LRRC41: variants seen among roughly 807,000 people sequenced by gnomAD.
LRRC41 encodes the protein leucine-rich repeat-containing protein 41.
LRRC41 carries 17 observed loss-of-function variants against 72.1 expected under a neutral mutation model. The observed-to-expected ratio is 0.24, with a 90% CI of 0.16 to 0.35. LRRC41 has a LOEUF of 0.35. LRRC41 is among the 10% of genes least tolerant of loss of function. The pLI is 1.00. For synonymous variants in LRRC41, 427 were observed against 431.0 expected (o/e 0.99, Z 0.11); for missense variants, 759 against 1,065.0 (o/e 0.71, Z 4.00).
At chr1:46,292,804 TAATCA>T (rs1661044978) in intron 3 of LRRC41, among the ~76,000 whole-genome samples, 1 of 152,232 alleles carries the variant, frequency 6.6e-6, no homozygotes, top group Non-Finnish European at 1.5e-5. Context: ...TTTTTTAATT[TAATCA>T]ATACAAAGTC....
chr1:46,277,814 C>T lies in LRRC41; in HGVS notation c.*1051G>A, dbSNP rs759736246. The T allele has an allele frequency of 6.2e-6, 10 of 1,604,262 alleles. No homozygotes were observed. Among genetic ancestry groups the T allele is most frequent in the Middle Eastern group, 1.7e-4 (1 of 6,012 alleles). The stretch of plus-strand genomic sequence containing the variant: ...TTGACATTCCCCACCTCCTCTTCCC[C>T]AGGCAGGGACCATTGAGGAGAAGAT... On this transcript the variant is annotated 3_prime_UTR_variant, in exon 10 of 10. Coordinates refer to ENST00000617190, the MANE Select transcript of LRRC41 (RefSeq NM_006369.5).
At position 46,286,106 on chromosome 1, in the gene LRRC41, C is replaced by T. The variant is rs1390495790; in HGVS notation, c.751G>A (p.Ala251Thr). Residue 251 changes from alanine to threonine, a missense_variant, in exon 4 of 10, where the codon GCT becomes ACT. Coordinates refer to ENST00000617190, the MANE Select transcript of LRRC41 (RefSeq NM_006369.5). This position sits in a 1 kb window ranked among gnomAD's most constrained non-coding sequence, Gnocchi z 5.5. Reference sequence around the variant, plus strand: ...CCAGGCCCTGGTTGCCAGAAGCCAGCACTCATGGTGAGAATAAGGATGAAA... The same window carrying T: ...CCAGGCCCTGGTTGCCAGAAGCCAGTACTCATGGTGAGAATAAGGATGAAA... ...ALFILILTMS[A>T]GFWQPGPGGP... 6.2e-7 allele frequency: 1 copy of T among 1,613,862 alleles called. No homozygotes were observed. Among genetic ancestry groups the T allele is most frequent in the Non-Finnish European group, 8.5e-7 (1 of 1,179,820 alleles).
chr1:46,288,674 CA>C (rs1303776648), intron 3 of LRRC41, among the ~76,000 whole-genome samples: 1 of 152,230 alleles, frequency 6.6e-6, no homozygotes, highest in East Asian at 1.9e-4. Context: ...TGTCCTCAAG[CA>C]AAAGTGTCAT....
intron 3 of LRRC41, among the ~76,000 whole-genome samples, chr1:46,294,200 T>C (rs1377258852): frequency 2.0e-5 from 3 of 151,618 alleles, no homozygotes; most frequent in Non-Finnish European, 4.4e-5. Flanking sequence ...GTGCAACCTC[T>C]GTCTCCTGGG....
rs777266639 is a variant in LRRC41 at position 46,286,045 on chromosome 1, C to G, written c.812G>C (p.Arg271Pro). The change falls in exon 4 of 10, where the codon CGA becomes CCA. Residue 271 changes from arginine to proline, a missense_variant. Physicochemically the swap from Arg to Pro is moderately radical, Grantham distance 103. Around this residue, in one of 4 missense-constraint regions of LRRC41, gnomAD observed 427 missense variants for 520.9 expected, o/e 0.82. Transcript: ENST00000617190. This position sits in a 1 kb window ranked among gnomAD's most constrained non-coding sequence, Gnocchi z 5.5. ...TTCATCTCGGGATGGGGCCCGGCCT[C>G]GGGAGGCCTCTCCACAGAGGCGGCA... ...PPCRLCGEAS[R>P]GRAPSRDEGS... 4 of 1,596,682 alleles carry G rather than the reference C, an allele frequency of 2.5e-6. No homozygotes were observed. In the African/African-American group the frequency reaches 5.4e-5, roughly 21 times the overall value.
Position 46,278,701 on chromosome 1 carries a change from C to T in LRRC41, c.*164G>A. 1 of 678,564 alleles carries T rather than the reference C, an allele frequency of 1.5e-6. No homozygotes were observed. 42.0% of individuals were successfully genotyped at this position (678,564 alleles called of 1,614,324 possible). A position where few individuals can be genotyped will look rare whatever the true frequency, so the allele number is the denominator to read the frequency against. On this transcript the variant is annotated 3_prime_UTR_variant, in exon 10 of 10. Coordinates refer to ENST00000617190, the MANE Select transcript of LRRC41 (RefSeq NM_006369.5). ...CTGTGAGAATGCCTGTTTGCTGGGC[C>T]TCATCAAGGCCTCCAGGACCTCAGT...
Position 46,280,200 on chromosome 1 carries a change from G to C in LRRC41, c.2012C>G (p.Thr671Ser), listed in dbSNP as rs1660741967. The change falls in exon 7 of 10, where the codon ACT (threonine) becomes AGT (serine). Residue 671 changes from threonine (T) to serine (S), a missense_variant. By Grantham distance (58) the Thr-to-Ser change is moderately conservative. This residue lies in a region of LRRC41 where 110 missense variants were observed against 227.0 expected (regional missense o/e 0.48). Coordinates refer to ENST00000617190, the MANE Select transcript of LRRC41 (RefSeq NM_006369.5). ...CTGAATAAGGAACTTACCTTGCAGA[G>C]TCAGATTCTGTAGCAAAAAGAGCAC... ...SEVLFLLQNL[T>S]LQEITFSFCR... 1 of 1,613,488 alleles carries C rather than the reference G, an allele frequency of 6.2e-7. No individual in the cohort carries two copies. Among genetic ancestry groups the C allele is most frequent in the South Asian group, 1.1e-5 (1 of 91,072 alleles).
In LRRC41 at chr1:46,283,730, G is replaced by C. The variant is rs577096351; in HGVS notation, c.1495+1632C>G. On this transcript the variant is annotated intron_variant, in intron 4 of 9. Transcript: ENST00000617190. ...AAACTTTTTTTTTTTTTTTGAGATGGAGTCTCACTCTGTTGCCCAGGTTAA... is the reference window on the plus strand; with the variant it reads ...AAACTTTTTTTTTTTTTTTGAGATGCAGTCTCACTCTGTTGCCCAGGTTAA... Among the ~76,000 whole-genome samples, 309 of 151,300 alleles carry C rather than the reference G, an allele frequency of 2.0e-3. 1 individual carries two copies. The highest frequency in any genetic ancestry group is 7.2e-3 in the African/African-American group (299 of 41,254).
At chr1:46,289,844 A>G (rs951916864) in intron 3 of LRRC41, among the ~76,000 whole-genome samples, 3 of 152,194 alleles carry the variant, frequency 2.0e-5, no homozygotes, top group Admixed American at 2.0e-4. Context: ...ATGGACTCGT[A>G]TGCTATCACG....
intron 4 of LRRC41, chr1:46,284,552 A>G (rs933377860): frequency 1.3e-5 from 2 of 152,198 alleles, no homozygotes; most frequent in African/African-American, 4.8e-5. Flanking sequence ...AGCTCTATGC[A>G]TCTAGAGCAC....
intron 1 of LRRC41, 50 bp from the exon 2 acceptor site, chr1:46,298,420 C>T (rs376624231): frequency 2.2e-4 from 252 of 1,161,482 alleles, no homozygotes; most frequent in Non-Finnish European, 3.0e-4. Context: ...CCCCTCCCAC[C>T]CAAGAGGTTT....
intron 3 of LRRC41, among the ~76,000 whole-genome samples, chr1:46,288,119 C>G (rs1660923571): frequency 1.3e-5 from 2 of 152,188 alleles, no homozygotes; most frequent in Non-Finnish European, 2.9e-5. Flanking sequence ...TATGTTACAT[C>G]TGAGGTAAGG....
Position 46,278,861 on chromosome 1 carries a change from C to G in LRRC41, c.*4G>C. The G allele has an allele frequency of 6.2e-7, 1 of 1,606,802 alleles. No homozygotes were observed. Among genetic ancestry groups the G allele is most frequent in the Non-Finnish European group, 8.5e-7 (1 of 1,177,700 alleles). On this transcript the variant is annotated 3_prime_UTR_variant, in exon 10 of 10. Coordinates refer to ENST00000617190, the MANE Select transcript of LRRC41 (RefSeq NM_006369.5). ...GAGCATGAGACTGTGAGGTACGGGCCCCATCACATGGTGCTAACATAATCT... is the reference window on the plus strand; with the variant it reads ...GAGCATGAGACTGTGAGGTACGGGCGCCATCACATGGTGCTAACATAATCT...
chr1:46,302,683 G>GGGCCT lies in LRRC41; in HGVS notation c.199+436_199+440dup, dbSNP rs1285424460. 6 of 985,248 alleles carry GGGCCT rather than the reference G, an allele frequency of 6.1e-6. No homozygotes were observed. Among genetic ancestry groups the GGGCCT allele is most frequent in the Non-Finnish European group, 7.2e-6 (6 of 829,926 alleles). The allele number at this position is 985,248 out of a possible 1,614,324, so 61.0% of individuals were successfully genotyped here. ...GCCATCAGTCAGGTTCGGTGGCCCC[G>GGGCCT]GGCCTGGCCTGGCCTTGCCTTAGGC... On this transcript the variant is annotated intron_variant, in intron 1 of 9. Coordinates refer to ENST00000617190, the MANE Select transcript of LRRC41 (RefSeq NM_006369.5). This position sits in a 1 kb window ranked among gnomAD's most constrained non-coding sequence, Gnocchi z 4.7.
chr1:46,293,211 C>T (rs1191707422), intron 3 of LRRC41, among the ~76,000 whole-genome samples: 2 of 151,938 alleles, frequency 1.3e-5, no homozygotes. Context: ...GTACTCTCTC[C>T]ATCCTGAGAT....
chr1:46,281,247 C>G lies in LRRC41; in HGVS notation c.1634G>C (p.Arg545Pro). Residue 545 changes from arginine (R) to proline (P), a missense_variant, in exon 5 of 10, where the codon CGA (arginine) becomes CCA (proline). Coordinates refer to ENST00000617190, the MANE Select transcript of LRRC41 (RefSeq NM_006369.5). The stretch of plus-strand genomic sequence containing the variant: ...GAGGACCCGTAGCAGGGGCAGTGCT[C>G]GCACGATAGCACGTGTCAGCTCCAG... ...PILELTRAIV[R>P]ALPLLRVLSI... The G allele has an allele frequency of 6.2e-7, 1 of 1,614,194 alleles. No individual in the cohort carries two copies. Among genetic ancestry groups the G allele is most frequent in the East Asian group, 2.2e-5 (1 of 44,864 alleles).
intron 3 of LRRC41, among the ~76,000 whole-genome samples, chr1:46,293,341 T>C (rs1279588350): frequency 6.6e-6 from 1 of 151,934 alleles, no homozygotes; most frequent in Non-Finnish European, 1.5e-5. Flanking sequence ...TGACGCTCAA[T>C]TGATCCTCCT....
intron 3 of LRRC41, 132 bp downstream of exon 3, chr1:46,297,431 A>G (rs529873059): frequency 1.5e-6 from 1 of 668,574 alleles, no homozygotes; most frequent in South Asian, 1.9e-5. Context: ...GTGACAAGCC[A>G]TCAGAGCCCT....
Position 46,303,550 on chromosome 1 carries a change from A to C in LRRC41, c.-228T>G. ...TGACTAAGGGGATGTTTCTTAGCAA[A>C]GCCTCCTCGGGTGCAAACATCAGCT... On this transcript the variant is annotated 5_prime_UTR_variant, in exon 1 of 10. Coordinates refer to ENST00000617190, the MANE Select transcript of LRRC41 (RefSeq NM_006369.5). 3.9e-6 allele frequency: 3 copies of C among 775,258 alleles called. No individual in the cohort carries two copies. Among genetic ancestry groups the C allele is most frequent in the Non-Finnish European group, 6.1e-6 (3 of 493,334 alleles). The allele number at this position is 775,258 out of a possible 1,614,324, so 48.0% of individuals were successfully genotyped here. A position where few individuals can be genotyped will look rare whatever the true frequency, so the allele number is the denominator to read the frequency against.
Sources: gnomAD v4.1 joint callset for allele counts (sites outside exome capture counted in the v4.1 genomes callset) on GRCh38, gnomAD v4.1.1 for gene constraint, gnomAD v4.1.1 regional missense constraint, Gnocchi (gnomAD v3.1) non-coding constraint, MANE v1.5 for transcripts, NCBI Gene and HGNC (gene_info 2026-07-23, HGNC 2026-07-21) for gene names.